TM9SF4: variants seen among roughly 807,000 people sequenced by gnomAD.
TM9SF4 encodes dinucleotide oxidase disulfide thiol exchanger 3 superfamily member 4.
TM9SF4 carries 26 observed loss-of-function variants against 90.4 expected under a neutral mutation model. That is an observed-to-expected ratio of 0.29 (90% CI 0.21 to 0.40). TM9SF4 has a LOEUF of 0.40. Among genes scored for constraint, TM9SF4 ranks in the 10% least tolerant of loss-of-function variants. TM9SF4 has a pLI of 1.00. For missense variants in TM9SF4, 549 were observed against 834.8 expected (o/e 0.66, Z 4.22); for synonymous variants, 293 against 315.4 (o/e 0.93, Z 0.75).
chr20:32,132,963 T>A (rs2046541177), intron 1 of TM9SF4, 50 bp from the exon 2 acceptor site: 1 of 1,543,734 alleles, frequency 6.5e-7, no homozygotes, highest in South Asian at 1.1e-5. Context: ...CCTCAGAGGA[T>A]CTTCTTCACT....
At chr20:32,125,729 G>C (rs2046411306) in intron 1 of TM9SF4, among the ~76,000 whole-genome samples, 1 of 139,754 alleles carries the variant, frequency 7.2e-6, no homozygotes, top group Non-Finnish European at 1.5e-5. Context: ...TTGTCACCCA[G>C]GCTGGAGTGC....
At chr20:32,117,995 T>A (rs1452012795) in intron 1 of TM9SF4, among the ~76,000 whole-genome samples, 1 of 152,140 alleles carries the variant, frequency 6.6e-6, no homozygotes, top group African/African-American at 2.4e-5. Context: ...AAAAGAAAAT[T>A]TAAAGGAATT....
intron 1 of TM9SF4, among the ~76,000 whole-genome samples, chr20:32,120,584 T>G (rs918501526): frequency 6.6e-6 from 1 of 152,172 alleles, no homozygotes; most frequent in Non-Finnish European, 1.5e-5. Flanking sequence ...AAAAGCACTT[T>G]TTGCTTATTT....
chr20:32,141,912 G>A lies in TM9SF4; in HGVS notation c.528+17G>A, dbSNP rs112417845. The A allele has an allele frequency of 7.1e-5, 114 of 1,613,812 alleles. No homozygotes were observed. Among genetic ancestry groups the A allele is most frequent in the Middle Eastern group, 3.3e-4 (2 of 6,060 alleles). Reference sequence around the variant, plus strand: ...GTCAACAAGGTAGAGTGTCTTTGGCGTGCTCACAGGACCGGGAGCCACACC... The same window carrying A: ...GTCAACAAGGTAGAGTGTCTTTGGCATGCTCACAGGACCGGGAGCCACACC... On this transcript the variant is annotated intron_variant, in intron 5 of 17. Transcript: ENST00000398022.
intron 1 of TM9SF4, 103 bp from the exon 2 acceptor site, chr20:32,132,910 C>T: frequency 1.0e-6 from 1 of 993,728 alleles, no homozygotes; most frequent in Non-Finnish European, 1.5e-6. Context: ...GGTGGCTACA[C>T]TGGGTCAATT....
intron 1 of TM9SF4, among the ~76,000 whole-genome samples, chr20:32,122,416 G>C (rs1166381237): frequency 1.3e-5 from 2 of 150,600 alleles, no homozygotes; most frequent in African/African-American, 4.9e-5. Flanking sequence ...AGACGGGGGT[G>C]CTGCCGGGCG....
chr20:32,149,883 T>A, intron 10 of TM9SF4, 117 bp downstream of exon 10: 1 of 1,422,666 alleles, frequency 7.0e-7, no homozygotes, highest in South Asian at 1.3e-5. Flanking sequence ...TGGCACCAAG[T>A]GGGCATGTCA....
chr20:32,112,274 G>A (rs2046154228), intron 1 of TM9SF4, among the ~76,000 whole-genome samples: 1 of 152,122 alleles, frequency 6.6e-6, no homozygotes, highest in Admixed American at 6.6e-5. Context: ...AATTAGCTGG[G>A]CTTGGTGGTG....
intron 15 of TM9SF4, chr20:32,159,305 T>C (rs1224031634): frequency 1.3e-5 from 2 of 152,486 alleles, no homozygotes; most frequent in African/African-American, 4.8e-5. Flanking sequence ...AGTGCCAAGA[T>C]GAAAGTTGGT....
intron 17 of TM9SF4, among the ~76,000 whole-genome samples, chr20:32,162,645 A>G (rs1193443046): frequency 1.3e-5 from 2 of 152,182 alleles, no homozygotes; most frequent in Non-Finnish European, 2.9e-5. Flanking sequence ...AACAGAGAAG[A>G]CACTCCCTCC....
At chr20:32,164,903 G>A (rs1032591689) in intron 17 of TM9SF4, among the ~76,000 whole-genome samples, 1 of 152,160 alleles carries the variant, frequency 6.6e-6, no homozygotes, top group Non-Finnish European at 1.5e-5. Context: ...GGCTGAGGCG[G>A]GCTGATGGGG....
rs369024817 is a variant in TM9SF4, at chr20:32,155,166, G to A, written c.1309G>A (p.Gly437Arg). ...CTTCGTATTGAATTGCTTCATTTGG[G>A]GAAAGCACTCATCAGGAGCGGTAAG... ...ICFVLNCFIW[G>R]KHSSGAVPFP... is the part of the protein sequence containing the mutation. The change falls in exon 13 of 18, where the codon GGA (glycine) becomes AGA (arginine). Residue 437 changes from glycine (G) to arginine (R), a missense_variant. Around this residue, in one of 2 missense-constraint regions of TM9SF4, gnomAD observed 495 missense variants for 711.7 expected, o/e 0.70. Coordinates refer to ENST00000398022, the MANE Select transcript of TM9SF4 (RefSeq NM_014742.4). 46 of 1,614,088 alleles carry A rather than the reference G, an allele frequency of 2.8e-5. No individual in the cohort carries two copies. The African/African-American group carries it at 5.6e-4, about 20-fold the overall frequency.
chr20:32,123,635 A>T (rs760974384), intron 1 of TM9SF4, among the ~76,000 whole-genome samples: 1 of 148,922 alleles, frequency 6.7e-6, no homozygotes. Context: ...GTATTTTTTC[A>T]TTTTTTTCCC....
intron 6 of TM9SF4, among the ~76,000 whole-genome samples, 157 bp from the exon 7 acceptor site, chr20:32,144,934 G>GA (rs564727723): frequency 3.4e-4 from 51 of 151,826 alleles, no homozygotes; most frequent in African/African-American, 1.1e-3. Context: ...AATAAAAAAT[G>GA]AAAAAAAACC....
At chr20:32,124,920 A>G (rs1381315125) in intron 1 of TM9SF4, among the ~76,000 whole-genome samples, 3 of 151,934 alleles carry the variant, frequency 2.0e-5, no homozygotes, top group African/African-American at 7.3e-5. Context: ...ATCAAACCCA[A>G]CTTGGAATGG....
chr20:32,123,815 A>T (rs2046371378), intron 1 of TM9SF4, among the ~76,000 whole-genome samples: 1 of 144,830 alleles, frequency 6.9e-6, no homozygotes, highest in Non-Finnish European at 1.5e-5. Context: ...AACACTTTGG[A>T]TAGCTCTCTA....
Position 32,149,787 on chromosome 20 carries a change from C to T in TM9SF4, c.1087+21C>T, listed in dbSNP as rs372879350. ...CATCTGTGAGTGTGCCCAGCGGGGC[C>T]GGGCATGGGGGCATGGCTTCCTCTT... On this transcript the variant is annotated intron_variant, in intron 10 of 17. Transcript: ENST00000398022. 50 of 1,612,618 alleles carry T rather than the reference C, an allele frequency of 3.1e-5. No individual in the cohort carries two copies. The African/African-American group carries it at 4.7e-4, about 15-fold the overall frequency.
chr20:32,122,950 C>A (rs1212770993), intron 1 of TM9SF4, among the ~76,000 whole-genome samples: 2 of 151,728 alleles, frequency 1.3e-5, no homozygotes, highest in Non-Finnish European at 2.9e-5. Flanking sequence ...GTAGATCACT[C>A]GCGGTTAGGA....
intron 16 of TM9SF4, 150 bp downstream of exon 16, chr20:32,160,261 T>C (rs1181664288): frequency 1.8e-6 from 2 of 1,119,244 alleles, no homozygotes; most frequent in East Asian, 2.5e-5. Flanking sequence ...TTGCTGTGCC[T>C]CTCCCAGCCT....
Sources: allele counts gnomAD v4.1 joint callset (sites outside exome capture counted in the v4.1 genomes callset), GRCh38; gene constraint gnomAD v4.1.1; regional missense constraint gnomAD v4.1.1; transcripts MANE v1.5; gene names NCBI Gene and HGNC (gene_info 2026-07-23, HGNC 2026-07-21).